Variants in MORC1 observed in about 807,000 individuals in gnomAD.
The protein encoded by MORC1 is MORC family CW-type zinc finger protein 1.
MORC1 carries 59 observed loss-of-function variants against 134.9 expected under a neutral mutation model. That is an observed-to-expected ratio of 0.44 (90% CI 0.35 to 0.54). The LOEUF (loss-of-function observed/expected upper bound fraction) is 0.54, where lower values mean the gene tolerates loss of function less well. Ranked by LOEUF, MORC1 falls within the 20% of genes least tolerant of loss-of-function variation. The probability of loss-of-function intolerance (pLI) is 0.00; values close to 1 mark genes in which losing one functional copy is unlikely to be tolerated. For synonymous variants in MORC1, 395 were observed against 391.7 expected (o/e 1.01, Z -0.10); for missense variants, 947 against 1,134.5 (o/e 0.83, Z 2.37).
Position 109,010,631 on chromosome 3 carries a change from T to C in MORC1, c.1705-3540A>G, listed in dbSNP as rs545232329. Among the ~76,000 whole-genome samples, 6 of 152,238 alleles carry C rather than the reference T, an allele frequency of 3.9e-5. No individual in the cohort carries two copies. In the South Asian group the frequency reaches 1.2e-3, roughly 32 times the overall value. On this transcript the variant is annotated intron_variant, in intron 17 of 27. Transcript: ENST00000232603. ...ATCAAGATAATTAACATACTGATCA[T>C]CCCCAAAAGTTTCCTTGTCTCCCCA...
intron 13 of MORC1, among the ~76,000 whole-genome samples, chr3:109,056,786 T>A (rs1254465207): frequency 6.6e-6 from 1 of 152,188 alleles, no homozygotes; most frequent in Non-Finnish European, 1.5e-5. Flanking sequence ...CATGATTACC[T>A]TGTCTGACCC....
intron 14 of MORC1, among the ~76,000 whole-genome samples, chr3:109,036,344 A>T (rs572640595): frequency 6.6e-6 from 1 of 152,220 alleles, no homozygotes; most frequent in Non-Finnish European, 1.5e-5. Flanking sequence ...AAGCCTGTCC[A>T]TATAAAATTG....
intron 17 of MORC1, among the ~76,000 whole-genome samples, chr3:109,025,667 G>A (rs964378172): frequency 2.0e-5 from 3 of 152,094 alleles, no homozygotes; most frequent in African/African-American, 7.2e-5. Context: ...ACAGGTGTGA[G>A]CCACCATGCC....
intron 16 of MORC1, 121 bp downstream of exon 16, chr3:109,032,599 T>C (rs1949265982): frequency 4.4e-6 from 3 of 674,536 alleles, no homozygotes; most frequent in South Asian, 4.2e-5. Flanking sequence ...TAGAAAGAGT[T>C]TGAAGAGATA....
chr3:109,108,948 G>C (rs375553258), intron 3 of MORC1, among the ~76,000 whole-genome samples: 35 of 150,900 alleles, frequency 2.3e-4, no homozygotes, highest in African/African-American at 7.8e-4. Context: ...AACTGACACT[G>C]CTCAAAGTTC....
intron 8 of MORC1, among the ~76,000 whole-genome samples, chr3:109,086,554 C>T (rs530235744): frequency 9.9e-5 from 15 of 152,058 alleles, no homozygotes; most frequent in African/African-American, 1.4e-4. Flanking sequence ...TTTCGCAAAA[C>T]GCCACCATTG....
At chr3:109,024,397 C>T (rs960461850) in intron 17 of MORC1, among the ~76,000 whole-genome samples, 4 of 152,100 alleles carry the variant, frequency 2.6e-5, no homozygotes, top group African/African-American at 2.4e-5. Flanking sequence ...CATGTGGAAA[C>T]GATACCTTTA....
At chr3:109,013,264 C>T (rs1481826383) in intron 17 of MORC1, among the ~76,000 whole-genome samples, 3 of 151,868 alleles carry the variant, frequency 2.0e-5, no homozygotes, top group Non-Finnish European at 4.4e-5. Context: ...AGATGCTACA[C>T]TAGTTTGTTT....
In MORC1 at chr3:109,059,812, T is replaced by C; in HGVS notation, c.1025A>G (p.Lys342Arg). 1.2e-6 allele frequency: 2 copies of C among 1,611,944 alleles called. No homozygotes were observed. The highest frequency in any genetic ancestry group is 1.7e-6 in the Non-Finnish European group (2 of 1,178,824). The change falls in exon 12 of 28, where the codon AAA becomes AGA. Residue 342 changes from lysine (K) to arginine (R), a missense_variant. Physicochemically the swap from Lys to Arg is conservative, Grantham distance 26 (BLOSUM62 2). This residue lies in a region of MORC1 where 722 missense variants were observed against 817.0 expected (regional missense o/e 0.88). Coordinates refer to ENST00000232603, the MANE Select transcript of MORC1 (RefSeq NM_014429.4). ...AGAAAACCTTGTGTCTTACCTTTGT[T>C]TCTCTTTAAGATTCTTTTGCTTTGC... ...VEAKQKNLKE[K>R]QRELKTARTL...
At chr3:109,092,732 C>T (rs947300040) in intron 8 of MORC1, among the ~76,000 whole-genome samples, 11 of 152,082 alleles carry the variant, frequency 7.2e-5, no homozygotes, top group African/African-American at 1.9e-4. Context: ...ATATGTCCCT[C>T]GTTGTGGCTC....
intron 1 of MORC1, among the ~76,000 whole-genome samples, chr3:109,115,640 A>G (rs546563081): frequency 1.3e-5 from 2 of 152,334 alleles, no homozygotes; most frequent in South Asian, 4.1e-4. Context: ...CAATACATAA[A>G]CAATCCTTTA....
Position 109,114,421 on chromosome 3 carries a change from G to A in MORC1, c.82C>T (p.Leu28Phe), listed in dbSNP as rs1481974277. The A allele has an allele frequency of 6.2e-7, 1 of 1,613,056 alleles. No individual in the cohort carries two copies. The highest frequency in any genetic ancestry group is 8.5e-7 in the Non-Finnish European group (1 of 1,179,476). The change falls in exon 2 of 28, where the codon CTT becomes TTT. Residue 28 changes from leucine (L) to phenylalanine (F), a missense_variant. Physicochemically the swap from Leu to Phe is conservative, Grantham distance 22. This residue lies in a region of MORC1 where 214 missense variants were observed against 281.3 expected (regional missense o/e 0.76). Transcript: ENST00000232603. Reference sequence around the variant, plus strand: ...AGCAATTCAGCCAGTGCTCCAAAAAGGAAACTGTGAGTGGTGCTGATGAAG... The same window carrying A: ...AGCAATTCAGCCAGTGCTCCAAAAAAGAAACTGTGAGTGGTGCTGATGAAG... ...IHANSTTHSF[L>F]FGALAELLDN...
chr3:109,098,575 A>G (rs1048918080), intron 6 of MORC1, among the ~76,000 whole-genome samples: 2 of 152,122 alleles, frequency 1.3e-5, no homozygotes, highest in Admixed American at 6.5e-5. Context: ...TCCGGCTGCA[A>G]GTTGTACTCT....
chr3:109,032,029 CT>C (rs1480086732), intron 16 of MORC1, among the ~76,000 whole-genome samples: 1 of 151,954 alleles, frequency 6.6e-6, no homozygotes, highest in Non-Finnish European at 1.5e-5. Context: ...TCTTTTTGCT[CT>C]TCTTTTTCAG....
intron 17 of MORC1, among the ~76,000 whole-genome samples, chr3:109,008,066 G>A (rs916067396): frequency 6.6e-6 from 1 of 151,936 alleles, no homozygotes; most frequent in South Asian, 2.1e-4. Context: ...TTCATCGAAG[G>A]ATATATCCTA....
intron 14 of MORC1, among the ~76,000 whole-genome samples, chr3:109,039,803 T>A: frequency 6.6e-6 from 1 of 152,174 alleles, no homozygotes; most frequent in South Asian, 2.1e-4. Context: ...GTGAAGGCCA[T>A]TTTTGTTATG....
chr3:108,974,052 C>T (rs77671581), intron 24 of MORC1, among the ~76,000 whole-genome samples: 5,162 of 152,052 alleles, frequency 0.034, 278 homozygotes, highest in African/African-American at 0.12. Flanking sequence ...CACCCCCCCA[C>T]CAGGCCCAAG....
chr3:109,066,017 G>A (rs753434593), intron 9 of MORC1, among the ~76,000 whole-genome samples: 1 of 151,998 alleles, frequency 6.6e-6, no homozygotes, highest in Non-Finnish European at 1.5e-5. Flanking sequence ...AATACAAGAC[G>A]GGGGAGAGGG....
chr3:109,060,171 C>T (rs771647523), intron 11 of MORC1, among the ~76,000 whole-genome samples: 1 of 151,626 alleles, frequency 6.6e-6, no homozygotes, highest in Non-Finnish European at 1.5e-5. Flanking sequence ...TACATGAAAA[C>T]TTGGGTGAGT....
Sources: allele counts gnomAD v4.1 joint callset (sites outside exome capture counted in the v4.1 genomes callset), GRCh38; gene constraint gnomAD v4.1.1; regional missense constraint gnomAD v4.1.1; transcripts MANE v1.5; gene names NCBI Gene and HGNC (gene_info 2026-07-23, HGNC 2026-07-21).